The following EML5 variants were observed in gnomAD, a reference collection of about 807,000 sequenced individuals.
The protein encoded by EML5 is EMAP like 5.
In EML5, 120 loss-of-function variants were observed where a neutral mutation model predicts 250.0. The observed-to-expected ratio is 0.48, with a 90% CI of 0.41 to 0.56. The LOEUF (loss-of-function observed/expected upper bound fraction) is 0.56, where lower values mean the gene tolerates loss of function less well. EML5 is among the 20% of genes least tolerant of loss of function. The probability of loss-of-function intolerance (pLI) is 0.00; values close to 1 mark genes in which losing one functional copy is unlikely to be tolerated. For synonymous variants in EML5, 771 were observed against 806.5 expected, an observed-to-expected ratio of 0.96 and a Z score of 0.75; for missense variants, 2,006 against 2,437.6, an observed-to-expected ratio of 0.82 and a Z score of 3.73.
intron 33 of EML5, among the ~76,000 whole-genome samples, chr14:88,629,340 A>C (rs1446618932): frequency 6.6e-6 from 1 of 152,198 alleles, no homozygotes; most frequent in Non-Finnish European, 1.5e-5. Context: ...TGAGCTTCTC[A>C]TATTTTTATA....
intron 1 of EML5, among the ~76,000 whole-genome samples, chr14:88,788,898 G>C (rs1595895230): frequency 7.3e-6 from 1 of 136,554 alleles, no homozygotes; most frequent in African/African-American, 2.7e-5. Context: ...CATCTTTACC[G>C]AAAAAAAAAA....
At chr14:88,786,255 T>A (rs912837364) in intron 1 of EML5, among the ~76,000 whole-genome samples, 1 of 152,208 alleles carries the variant, frequency 6.6e-6, no homozygotes, top group African/African-American at 2.4e-5. Flanking sequence ...TTTTCTCACC[T>A]TCTTTTCCTT....
chr14:88,618,803 C>T lies in EML5; in HGVS notation c.5385G>A (p.Pro1795=), dbSNP rs750647201. The T allele has an allele frequency of 1.6e-4, 253 of 1,582,912 alleles. No individual in the cohort carries two copies. The highest frequency in any genetic ancestry group is 2.0e-4 in the Non-Finnish European group (231 of 1,163,460). The change falls in exon 40 of 44, where the codon CCG becomes CCA. Residue 1795 remains proline, a synonymous_variant. Coordinates refer to ENST00000554922, the MANE Select transcript of EML5 (RefSeq NM_183387.3). ...RCAIHDIRFS[P]DSRYLAVGSS... is the part of the protein sequence containing the mutation. ...AACCTACTGCCAGATACCGGGAATC[C>T]GGACTAAATCTGAATCAAAACAAAA... is the stretch of plus-strand genomic sequence containing the variant.
At chr14:88,629,090 T>G (rs1260713376) in intron 33 of EML5, among the ~76,000 whole-genome samples, 1 of 152,022 alleles carries the variant, frequency 6.6e-6, no homozygotes, top group South Asian at 2.1e-4. Flanking sequence ...AAATTTAAAA[T>G]GTAAATATAT....
chr14:88,673,869 A>G (rs1263912040), intron 21 of EML5, among the ~76,000 whole-genome samples: 2 of 152,206 alleles, frequency 1.3e-5, no homozygotes, highest in African/African-American at 4.8e-5. Context: ...TCAAGGAAAT[A>G]AAAGAGGACA....
intron 1 of EML5, among the ~76,000 whole-genome samples, chr14:88,765,438 C>A (rs927168278): frequency 1.6e-4 from 25 of 152,130 alleles, no homozygotes; most frequent in Admixed American, 1.3e-3. Flanking sequence ...ATGTTACCAC[C>A]TCCATCTTCC....
At chr14:88,722,807 C>A (rs905305170) in intron 8 of EML5, among the ~76,000 whole-genome samples, 4 of 152,068 alleles carry the variant, frequency 2.6e-5, no homozygotes, top group Non-Finnish European at 5.9e-5. Flanking sequence ...TGGGTTAATA[C>A]CTAGGTGATG....
chr14:88,707,605 G>A (rs1394255450), intron 10 of EML5, among the ~76,000 whole-genome samples: 15 of 152,020 alleles, frequency 9.9e-5, no homozygotes, highest in Non-Finnish European at 1.8e-4. Context: ...CCCCATCAAC[G>A]AAATTCTGGA....
At chr14:88,632,245 G>A (rs774398300) in intron 33 of EML5, among the ~76,000 whole-genome samples, 9 of 152,018 alleles carry the variant, frequency 5.9e-5, no homozygotes, top group South Asian at 4.1e-4. Context: ...TATTTGTCTC[G>A]TTCTCTCCAC....
At position 88,706,245 on chromosome 14, in the gene EML5, T is replaced by C. The variant is rs2093315786; in HGVS notation, c.1825+14A>G. ...TTTGACAGGGAAACTGTTTAGCTAA[T>C]GCATACTACTCACCTTGGGGTGCTA... On this transcript the variant is annotated intron_variant, in intron 11 of 43. Transcript: ENST00000554922. 1.3e-6 allele frequency: 2 copies of C among 1,567,584 alleles called. No individual in the cohort carries two copies. The highest frequency in any genetic ancestry group is 1.7e-6 in the Non-Finnish European group (2 of 1,163,262).
At chr14:88,682,117 TCAATAATATA>T in intron 20 of EML5, 86 bp from the exon 21 acceptor site, 1 of 1,286,388 alleles carries the variant, frequency 7.8e-7, no homozygotes, top group Non-Finnish European at 1.0e-6. Context: ...AAGATACCAT[TCAATAATATA>T]TGATAATAGG....
At position 88,696,321 on chromosome 14, in the gene EML5, C is replaced by A. The variant is rs188090191; in HGVS notation, c.2344+526G>T. On this transcript the variant is annotated intron_variant, in intron 15 of 43. Coordinates refer to ENST00000554922, the MANE Select transcript of EML5 (RefSeq NM_183387.3). ...TCCCAATTCACACCCTAGCTTTCACCGTAGATCTATCTGTAGTGGTCAAAC... is the reference window on the plus strand; with the variant it reads ...TCCCAATTCACACCCTAGCTTTCACAGTAGATCTATCTGTAGTGGTCAAAC... Among the ~76,000 whole-genome samples the A allele has an allele frequency of 2.0e-5, 3 of 151,966 alleles. No individual in the cohort carries two copies. In the East Asian group the frequency reaches 5.8e-4, roughly 29 times the overall value.
chr14:88,736,339 T>C (rs1264472699), intron 7 of EML5, 25 bp downstream of exon 7: 4 of 1,611,980 alleles, frequency 2.5e-6, no homozygotes, highest in East Asian at 2.2e-5. Flanking sequence ...TTCCAGCCTA[T>C]GGAATTAGTT....
chr14:88,644,379 TA>T, intron 30 of EML5, 53 bp downstream of exon 30: 2 of 1,546,688 alleles, frequency 1.3e-6, no homozygotes, highest in Non-Finnish European at 1.8e-6. Context: ...GGGTGTTTTA[TA>T]AAAAAGAACT....
chr14:88,702,504 T>A lies in EML5; in HGVS notation c.2180A>T (p.Asp727Val), dbSNP rs1339489163. ...AATAGTTAGGCAGAGAATATCATCA[T>A]CATGACCCAGATAAAAACGCTGTGT... ...QNTQRFYLGHDDDILCLTIHP... is the reference protein window; with the variant it reads ...QNTQRFYLGHVDDILCLTIHP... Residue 727 changes from aspartate to valine, a missense_variant, in exon 14 of 44, where the codon GAT (aspartate) becomes GTT (valine). Coordinates refer to ENST00000554922, the MANE Select transcript of EML5 (RefSeq NM_183387.3). 2 of 1,613,414 alleles carry A rather than the reference T, an allele frequency of 1.2e-6. No homozygotes were observed. The highest frequency in any genetic ancestry group is 1.7e-6 in the Non-Finnish European group (2 of 1,179,636).
intron 1 of EML5, among the ~76,000 whole-genome samples, chr14:88,765,972 A>G (rs1034385559): frequency 1.3e-5 from 2 of 152,208 alleles, no homozygotes; most frequent in African/African-American, 4.8e-5. Flanking sequence ...TCCCCAAATT[A>G]ATACTTTTAT....
At chr14:88,662,453 AGATGGCAT>A (rs2092149495) in intron 24 of EML5, among the ~76,000 whole-genome samples, 1 of 147,294 alleles carries the variant, frequency 6.8e-6, no homozygotes, top group Admixed American at 7.0e-5. Context: ...CTCCAATCTT[AGATGGCAT>A]GTCTTCTATT....
intron 36 of EML5, 82 bp downstream of exon 36, chr14:88,624,888 T>C: frequency 6.6e-7 from 1 of 1,511,738 alleles, no homozygotes; most frequent in South Asian, 1.3e-5. Flanking sequence ...CTGTGTAGCC[T>C]AGAAACAACT....
intron 1 of EML5, among the ~76,000 whole-genome samples, chr14:88,791,613 G>T (rs2094609087): frequency 6.6e-6 from 1 of 152,166 alleles, no homozygotes; most frequent in African/African-American, 2.4e-5. Context: ...TTAATTTTAA[G>T]AAAATACAAA....
Sources: allele counts gnomAD v4.1 joint callset (sites outside exome capture counted in the v4.1 genomes callset), GRCh38; gene constraint gnomAD v4.1.1; transcripts MANE v1.5; gene names NCBI Gene and HGNC (gene_info 2026-07-23, HGNC 2026-07-21).